STPG2: variants seen among roughly 807,000 people sequenced by gnomAD.
The protein encoded by STPG2 is sperm tail PG-rich repeat containing 2.
A neutral mutation model predicts 54.2 loss-of-function variants in STPG2; 56 were observed. The ratio of observed to expected loss-of-function variants is 1.03; its 90% CI spans 0.83 to 1.29. STPG2 has a LOEUF of 1.29. Ranked by LOEUF, STPG2 falls within the 50% of genes most tolerant of loss-of-function variation. The pLI, the probability that STPG2 is intolerant of heterozygous loss-of-function variation, is 0.00. For synonymous variants in STPG2, 200 were observed against 181.8 expected, an observed-to-expected ratio of 1.10 and a Z score of -0.81; for missense variants, 596 against 544.9, an observed-to-expected ratio of 1.09 and a Z score of -0.93.
chr4:97,517,537 A>G (rs531283636), intron 4 of STPG2, among the ~76,000 whole-genome samples: 1 of 152,240 alleles, frequency 6.6e-6, no homozygotes, highest in East Asian at 1.9e-4. Flanking sequence ...GTACGTTTTT[A>G]TCTATAATTC....
rs187675724 is a variant in STPG2 at position 97,798,514 on chromosome 4, G to A, written c.1204+42259C>T. ...GGTTTTCAGTGAGTTTCTTAATCCT[G>A]AGTTCTAGTTTGATTGCACTGTGGT... On this transcript the variant is annotated intron_variant, in intron 9 of 10. Coordinates refer to ENST00000295268, the MANE Select transcript of STPG2 (RefSeq NM_174952.3). Among the ~76,000 whole-genome samples the A allele has an allele frequency of 1.8e-3, 281 of 152,102 alleles. 3 individuals carry two copies. The highest frequency in any genetic ancestry group is 0.01 in the Middle Eastern group (3 of 294).
At chr4:97,977,701 G>C (rs1734542515) in intron 6 of STPG2, among the ~76,000 whole-genome samples, 1 of 152,196 alleles carries the variant, frequency 6.6e-6, no homozygotes, top group Non-Finnish European at 1.5e-5. Flanking sequence ...ACCAGGGCTA[G>C]TCAAGACTGA....
chr4:97,463,550 A>G (rs1381098094), intron 4 of STPG2: 3 of 152,078 alleles, frequency 2.0e-5, no homozygotes, highest in Non-Finnish European at 2.9e-5. Flanking sequence ...CTCAGGTCCA[A>G]GCGATTCTCC....
At chr4:97,851,983 T>C (rs1163652629) in intron 8 of STPG2, among the ~76,000 whole-genome samples, 2 of 152,202 alleles carry the variant, frequency 1.3e-5, no homozygotes, top group Non-Finnish European at 2.9e-5. Context: ...TAATATCCAT[T>C]CTTCAGAGTT....
In STPG2 at chr4:97,600,866, T is replaced by C. The variant is rs1458561942; in HGVS notation, c.1321-41749A>G. On this transcript the variant is annotated intron_variant, in intron 10 of 10. Transcript: ENST00000295268. ...CACAGCTAATCTGAATTTCCAGGAC[T>C]GACAAATCCTAGGATTTGTCTACAC... 2.6e-5 allele frequency among the ~76,000 whole-genome samples: 4 copies of C among 152,060 alleles called. No homozygotes were observed. The East Asian group carries it at 7.7e-4, about 29-fold the overall frequency.
At chr4:97,861,895 C>T (rs1188607837) in intron 8 of STPG2, among the ~76,000 whole-genome samples, 1 of 152,046 alleles carries the variant, frequency 6.6e-6, no homozygotes, top group Non-Finnish European at 1.5e-5. Flanking sequence ...CACCACCAGG[C>T]CTGCCCTAAA....
intron 9 of STPG2, among the ~76,000 whole-genome samples, chr4:97,823,379 C>G (rs1728146054): frequency 6.6e-6 from 1 of 152,064 alleles, no homozygotes; most frequent in Non-Finnish European, 1.5e-5. Flanking sequence ...ATATATTGTG[C>G]TTGTGCTGTA....
intron 4 of STPG2, among the ~76,000 whole-genome samples, chr4:97,455,976 T>G (rs1729506879): frequency 6.6e-6 from 1 of 152,196 alleles, no homozygotes. Flanking sequence ...AAGGGAATGT[T>G]TCCCGTGTCA....
chr4:97,805,056 A>G (rs1727510989), intron 9 of STPG2, among the ~76,000 whole-genome samples: 1 of 152,288 alleles, frequency 6.6e-6, no homozygotes, highest in East Asian at 1.9e-4. Flanking sequence ...ACCAACCAAC[A>G]CATGACTATA....
chr4:98,046,497 G>A (rs1737133292), intron 5 of STPG2, among the ~76,000 whole-genome samples: 1 of 152,154 alleles, frequency 6.6e-6, no homozygotes, highest in Non-Finnish European at 1.5e-5. Context: ...CCTGGCCAGA[G>A]ATTCTGGGTG....
At chr4:97,555,701 T>C (rs1480588212), downstream of STPG2, among the ~76,000 whole-genome samples, 1 of 152,200 alleles carries the variant, frequency 6.6e-6, no homozygotes, top group African/African-American at 2.4e-5. Flanking sequence ...GTGTTCACTA[T>C]ATGCTAAGCA....
At chr4:97,529,233 A>T (rs910155616) in intron 4 of STPG2, among the ~76,000 whole-genome samples, 1 of 152,134 alleles carries the variant, frequency 6.6e-6, no homozygotes, top group Non-Finnish European at 1.5e-5. Flanking sequence ...GCATCTATGG[A>T]GATAATCATG....
intron 5 of STPG2, among the ~76,000 whole-genome samples, chr4:98,101,614 C>T (rs1271738028): frequency 6.6e-6 from 1 of 152,104 alleles, no homozygotes; most frequent in African/African-American, 2.4e-5. Context: ...AACGCAAGAG[C>T]AGCAGCGTAG....
At chr4:97,881,607 A>G (rs1460771201) in intron 8 of STPG2, among the ~76,000 whole-genome samples, 1 of 152,132 alleles carries the variant, frequency 6.6e-6, no homozygotes, top group African/African-American at 2.4e-5. Flanking sequence ...ATTTACCATG[A>G]GAAAATAACA....
chr4:97,648,538 C>A (rs889346684), intron 10 of STPG2, among the ~76,000 whole-genome samples: 3 of 152,090 alleles, frequency 2.0e-5, no homozygotes, highest in East Asian at 3.9e-4. Flanking sequence ...ACTCTCTCAG[C>A]AACAATGAAA....
In STPG2 at chr4:97,869,833, T is replaced by C. The variant is rs558991583; in HGVS notation, c.1045-28901A>G. ...TTTAATTTCTTTTCATATCTAGTCATGGTTTGAGCCTCAAATATTTGTCTA... is the reference window on the plus strand; with the variant it reads ...TTTAATTTCTTTTCATATCTAGTCACGGTTTGAGCCTCAAATATTTGTCTA... On this transcript the variant is annotated intron_variant, in intron 8 of 10. Transcript: ENST00000295268. 2.6e-5 allele frequency among the ~76,000 whole-genome samples: 4 copies of C among 151,756 alleles called. No homozygotes were observed. The Admixed American group carries it at 2.6e-4, about 10-fold the overall frequency.
intron 9 of STPG2, among the ~76,000 whole-genome samples, chr4:97,761,279 G>A (rs1034641579): frequency 6.6e-6 from 1 of 152,068 alleles, no homozygotes. Flanking sequence ...GGTAAGACAG[G>A]CCCTTAATCC....
chr4:97,979,969 C>G (rs1453630202), intron 6 of STPG2, among the ~76,000 whole-genome samples: 1 of 151,884 alleles, frequency 6.6e-6, no homozygotes, highest in Non-Finnish European at 1.5e-5. Flanking sequence ...ATGATCCACC[C>G]GCCTCAGCCT....
At chr4:97,447,122 A>T (rs1293225459) in intron 4 of STPG2, among the ~76,000 whole-genome samples, 1 of 152,210 alleles carries the variant, frequency 6.6e-6, no homozygotes, top group African/African-American at 2.4e-5. Context: ...CGAGGAACTC[A>T]TTGGGAACTG....
Sources: gnomAD v4.1 joint callset for allele counts (sites outside exome capture counted in the v4.1 genomes callset) on GRCh38, gnomAD v4.1.1 for gene constraint, MANE v1.5 for transcripts, NCBI Gene and HGNC (gene_info 2026-07-23, HGNC 2026-07-21) for gene names.